The following RPRD2 variants were observed in gnomAD, a reference collection of about 807,000 sequenced individuals.
RPRD2 encodes the protein regulation of nuclear pre-mRNA domain-containing protein 2.
RPRD2 carries 12 observed loss-of-function variants against 104.4 expected under a neutral mutation model. The observed-to-expected ratio is 0.11, with a 90% CI of 0.07 to 0.19. The LOEUF (loss-of-function observed/expected upper bound fraction) is 0.19, where lower values mean the gene tolerates loss of function less well. RPRD2 is among the 10% of genes least tolerant of loss of function. The pLI, the probability that RPRD2 is intolerant of heterozygous loss-of-function variation, is 1.00. For synonymous variants in RPRD2, 714 were observed against 684.9 expected, an observed-to-expected ratio of 1.04 and a Z score of -0.66; for missense variants, 1,543 against 1,790.1, an observed-to-expected ratio of 0.86 and a Z score of 2.49.
intron 1 of RPRD2, among the ~76,000 whole-genome samples, chr1:150,379,342 TTTAATGGG>T (rs1442105558): frequency 6.6e-6 from 1 of 152,132 alleles, no homozygotes. Flanking sequence ...ATTTATTGTT[TTTAATGGG>T]TTAATGGATG....
intron 6 of RPRD2, 147 bp from the exon 7 acceptor site, chr1:150,446,079 A>G (rs1171092763): frequency 3.1e-5 from 16 of 518,364 alleles, no homozygotes; most frequent in South Asian, 4.0e-5. Flanking sequence ...AAAAAAAAAA[A>G]AAAGAAAGAA....
At chr1:150,369,441 ATTTTTTTTTTTTTTTT>A (rs58054758) in intron 1 of RPRD2, among the ~76,000 whole-genome samples, 4 of 57,534 alleles carry the variant, frequency 7.0e-5, no homozygotes, top group South Asian at 7.7e-4. Context: ...CACCTGGCTA[ATTTTTTTTTTTTTTTT>A]TTTTTTTTTT....
intron 1 of RPRD2, among the ~76,000 whole-genome samples, chr1:150,370,150 T>C (rs1660193023): frequency 6.6e-6 from 1 of 151,928 alleles, no homozygotes; most frequent in Admixed American, 6.6e-5. Context: ...GGGCTCAAGC[T>C]ATCTGCCTGC....
At chr1:150,458,763 C>G (rs1324923895) in intron 8 of RPRD2, among the ~76,000 whole-genome samples, 2 of 152,056 alleles carry the variant, frequency 1.3e-5, no homozygotes, top group African/African-American at 4.8e-5. Context: ...CCTCAGCCTC[C>G]CGAGTAGCTA....
At chr1:150,441,135 A>G (rs977945284) in intron 3 of RPRD2, 112 bp downstream of exon 3, 2 of 554,934 alleles carry the variant, frequency 3.6e-6, no homozygotes, top group African/African-American at 2.0e-5. Flanking sequence ...TTTTGAATCT[A>G]GCCCTATTTG....
chr1:150,368,333 T>G lies in RPRD2; in HGVS notation c.205+3414T>G, dbSNP rs376422171. On this transcript the variant is annotated intron_variant, in intron 1 of 10. Coordinates refer to ENST00000369068, the MANE Select transcript of RPRD2 (RefSeq NM_015203.5). ...TTTGAGATGGAATTTCGCTTTGTCG[T>G]CCAGTCTGGAGTGCGGTGGCGTGAT... 4.6e-5 allele frequency among the ~76,000 whole-genome samples: 7 copies of G among 151,458 alleles called. No individual in the cohort carries two copies. The East Asian group carries it at 1.3e-3, about 29-fold the overall frequency.
At chr1:150,404,964 T>G (rs1251261778) in intron 1 of RPRD2, among the ~76,000 whole-genome samples, 3 of 152,224 alleles carry the variant, frequency 2.0e-5, no homozygotes, top group African/African-American at 7.2e-5. Flanking sequence ...TTACCTATTA[T>G]AGCATGTGCT....
rs782470657 is a variant in RPRD2 at position 150,444,355 on chromosome 1, A to G, written c.672A>G (p.Thr224=). The G allele has an allele frequency of 6.2e-7, 1 of 1,613,312 alleles. No individual in the cohort carries two copies. The highest frequency in any genetic ancestry group is 1.1e-5 in the South Asian group (1 of 90,878). Residue 224 remains threonine (T), a synonymous_variant, in exon 6 of 11, where the codon ACA becomes ACG. Transcript: ENST00000369068. ...LSTMRVDVCS[T]ETLKCLKDKT... is the part of the protein sequence containing the mutation. ...CTATGAGGGTGGATGTGTGCAGCAC[A>G]GAAACTCTCAAATGCTTAAAAGGTA...
At chr1:150,406,228 ATG>A (rs1389491786) in intron 1 of RPRD2, among the ~76,000 whole-genome samples, 1 of 152,156 alleles carries the variant, frequency 6.6e-6, no homozygotes, top group Non-Finnish European at 1.5e-5. Context: ...ATGAACAGAT[ATG>A]TGTTTCCGTT....
At chr1:150,427,245 G>A (rs1440358646) in intron 2 of RPRD2, among the ~76,000 whole-genome samples, 1 of 152,146 alleles carries the variant, frequency 6.6e-6, no homozygotes, top group Non-Finnish European at 1.5e-5. Context: ...GACCGAGGCG[G>A]GTGGATCACT....
intron 2 of RPRD2, among the ~76,000 whole-genome samples, chr1:150,432,206 G>T (rs1665652031): frequency 6.7e-6 from 1 of 150,178 alleles, no homozygotes; most frequent in African/African-American, 2.4e-5. Flanking sequence ...AGAAAAGTCT[G>T]ATAAATGCTA....
At chr1:150,390,328 C>G (rs1380084114) in intron 1 of RPRD2, among the ~76,000 whole-genome samples, 1 of 152,090 alleles carries the variant, frequency 6.6e-6, no homozygotes, top group Non-Finnish European at 1.5e-5. Context: ...AACTCCATCT[C>G]TACTAAAAAT....
chr1:150,438,620 C>T (rs909457424), intron 2 of RPRD2, among the ~76,000 whole-genome samples: 2 of 151,186 alleles, frequency 1.3e-5, no homozygotes, highest in Admixed American at 6.6e-5. Flanking sequence ...CAGAGCAAGA[C>T]TCTGTCTTCA....
At chr1:150,408,796 A>G (rs1243935101) in intron 1 of RPRD2, 2 of 152,234 alleles carry the variant, frequency 1.3e-5, no homozygotes, top group Non-Finnish European at 2.9e-5. Context: ...TTCTACAACT[A>G]TAAATAACAT....
In RPRD2 at chr1:150,472,544, T is replaced by C; in HGVS notation, c.3596T>C (p.Leu1199Ser). 1 of 1,613,944 alleles carries C rather than the reference T, an allele frequency of 6.2e-7. No individual in the cohort carries two copies. The highest frequency in any genetic ancestry group is 1.1e-5 in the South Asian group (1 of 91,074). The change falls in exon 11 of 11, where the codon TTG (leucine) becomes TCG (serine). Residue 1199 changes from leucine to serine, a missense_variant. This residue lies in a region of RPRD2 where 880 missense variants were observed against 885.6 expected (regional missense o/e 0.99). Transcript: ENST00000369068. ...TFEHHLPPSP[L>S]EHGTPFQREP... ...GAGCATCATCTTCCCCCATCCCCCT[T>C]GGAACATGGGACACCCTTCCAGAGA...
At chr1:150,420,322 A>C (rs1207868961) in intron 2 of RPRD2, among the ~76,000 whole-genome samples, 4 of 152,194 alleles carry the variant, frequency 2.6e-5, no homozygotes, top group African/African-American at 9.7e-5. Context: ...CATGGAAAAA[A>C]GTGAGAAGGA....
rs71086508 is a variant in RPRD2, at chr1:150,411,788, C to CAAAA, written c.206-5783_206-5780dup. 9.2e-4 allele frequency among the ~76,000 whole-genome samples: 65 copies of CAAAA among 70,722 alleles called. 3 individuals carry two copies. Among genetic ancestry groups the CAAAA allele is most frequent in the African/African-American group, 5.5e-3 (61 of 10,998 alleles). 46.4% of individuals were successfully genotyped at this position (70,722 alleles called of 152,430 possible). On this transcript the variant is annotated intron_variant, in intron 1 of 10. Coordinates refer to ENST00000369068, the MANE Select transcript of RPRD2 (RefSeq NM_015203.5). ...CCTGGACGACAGAGCTAGACTGTCT[C>CAAAA]AAAAAAAAAAAAAAAAAAAAAAAAA... is the stretch of plus-strand genomic sequence containing the variant.
chr1:150,400,527 CAA>C (rs1488093652), intron 1 of RPRD2, among the ~76,000 whole-genome samples: 5 of 152,108 alleles, frequency 3.3e-5, no homozygotes, highest in African/African-American at 1.2e-4. Flanking sequence ...GCGCAGTTAA[CAA>C]TAGAGTTTAT....
Position 150,394,029 on chromosome 1 carries a change from T to G in RPRD2, c.206-23567T>G, listed in dbSNP as rs587697764. Among the ~76,000 whole-genome samples, 63 of 152,194 alleles carry G rather than the reference T, an allele frequency of 4.1e-4. No individual in the cohort carries two copies. In the Middle Eastern group the frequency reaches 0.01, roughly 25 times the overall value. On this transcript the variant is annotated intron_variant, in intron 1 of 10. Transcript: ENST00000369068. ...GGCTGGTGTTGCTGAATTAATGTTT[T>G]TTGTTGTTGTTGTTGTTTTCTTCTC...
Sources: gnomAD v4.1 joint callset for allele counts (sites outside exome capture counted in the v4.1 genomes callset) on GRCh38, gnomAD v4.1.1 for gene constraint, gnomAD v4.1.1 regional missense constraint, MANE v1.5 for transcripts, NCBI Gene and HGNC (gene_info 2026-07-23, HGNC 2026-07-21) for gene names.